GLIS3: variants seen among roughly 807,000 people sequenced by gnomAD.
The protein encoded by GLIS3 is zinc finger protein GLIS3.
Under a neutral mutation model 78.6 loss-of-function variants are expected in GLIS3, and 53 were observed. That is an observed-to-expected ratio of 0.67 (90% CI 0.54 to 0.85). The LOEUF is 0.85. Ranked by LOEUF, GLIS3 falls within the 40% of genes least tolerant of loss-of-function variation. The probability of loss-of-function intolerance (pLI) is 0.00; values close to 1 mark genes in which losing one functional copy is unlikely to be tolerated. For synonymous variants in GLIS3, 684 were observed against 509.9 expected, an observed-to-expected ratio of 1.34 and a Z score of -4.60; for missense variants, 1,703 against 1,231.1, an observed-to-expected ratio of 1.38 and a Z score of -5.74.
intron 2 of GLIS3, among the ~76,000 whole-genome samples, chr9:4,335,821 C>G (rs1457339102): frequency 6.6e-6 from 1 of 152,156 alleles, no homozygotes; most frequent in Non-Finnish European, 1.5e-5. Flanking sequence ...CCCCATTGAA[C>G]CAGATTTAAC....
intron 8 of GLIS3, among the ~76,000 whole-genome samples, chr9:3,873,909 T>A (rs978355197): frequency 1.3e-5 from 2 of 152,246 alleles, no homozygotes; most frequent in African/African-American, 4.8e-5. Context: ...TCCTCATATT[T>A]TCTGCTGCTG....
Position 4,087,915 on chromosome 9 carries a change from G to T in GLIS3, c.1710+29853C>A, listed in dbSNP as rs548532591. ...ATACCTTGGTTACCTCACTTCTATT[G>T]TCCATCTCGCATTATGGTTAGTTAT... On this transcript the variant is annotated intron_variant, in intron 4 of 10. Coordinates refer to ENST00000381971, the MANE Select transcript of GLIS3 (RefSeq NM_001042413.2). Among the ~76,000 whole-genome samples the T allele has an allele frequency of 9.9e-5, 15 of 152,200 alleles. 1 individual carries two copies. The East Asian group carries it at 2.1e-3, about 22-fold the overall frequency.
chr9:4,360,427 T>C, the GLIS3 span, among the ~76,000 whole-genome samples: 3 of 152,220 alleles, frequency 2.0e-5, no homozygotes, highest in Admixed American at 6.5e-5. Flanking sequence ...ATGTGACTGA[T>C]GGCCAGTAAT....
At chr9:4,191,984 T>A (rs1007229373) in intron 2 of GLIS3, among the ~76,000 whole-genome samples, 11 of 151,768 alleles carry the variant, frequency 7.2e-5, no homozygotes, top group Non-Finnish European at 1.5e-5. Context: ...TTGGAGGAGG[T>A]CTCTAAAATG....
At chr9:3,842,761 G>A (rs1425511990) in intron 9 of GLIS3, among the ~76,000 whole-genome samples, 1 of 152,166 alleles carries the variant, frequency 6.6e-6, no homozygotes, top group Non-Finnish European at 1.5e-5. Context: ...AGTTTGAGAG[G>A]CTCTAAGAGA....
intron 2 of GLIS3, among the ~76,000 whole-genome samples, chr9:4,208,912 G>C (rs1820120068): frequency 6.6e-6 from 1 of 152,132 alleles, no homozygotes; most frequent in Non-Finnish European, 1.5e-5. Flanking sequence ...CCATAATAAA[G>C]GCTGTCTGGA....
chr9:3,953,672 T>A lies in GLIS3; in HGVS notation c.1711-16483A>T, dbSNP rs896071638. ...ACTTTTCAATGGATTAAAAGTAAGCTGTTGAAAACATATTTTTGATAACAA... is the reference window on the plus strand; with the variant it reads ...ACTTTTCAATGGATTAAAAGTAAGCAGTTGAAAACATATTTTTGATAACAA... On this transcript the variant is annotated intron_variant, in intron 4 of 10. Coordinates refer to ENST00000381971, the MANE Select transcript of GLIS3 (RefSeq NM_001042413.2). Among the ~76,000 whole-genome samples, 3 of 152,152 alleles carry A rather than the reference T, an allele frequency of 2.0e-5. No individual in the cohort carries two copies. The South Asian group carries it at 6.2e-4, about 32-fold the overall frequency.
intron 4 of GLIS3, among the ~76,000 whole-genome samples, chr9:4,006,843 G>A (rs921313015): frequency 2.0e-5 from 3 of 152,172 alleles, no homozygotes; most frequent in Admixed American, 6.5e-5. Flanking sequence ...ATGAAGGAAC[G>A]GTTCTATCAA....
the GLIS3 span, among the ~76,000 whole-genome samples, chr9:4,363,100 A>C: frequency 6.6e-6 from 1 of 152,180 alleles, no homozygotes; most frequent in African/African-American, 2.4e-5. Context: ...GGAAACCACC[A>C]AAAATAGAAG....
chr9:3,837,768 G>C (rs574226903), intron 9 of GLIS3, among the ~76,000 whole-genome samples: 9 of 152,306 alleles, frequency 5.9e-5, no homozygotes, highest in South Asian at 2.1e-4. Flanking sequence ...CCACAGGTTG[G>C]GGGGAGGGAA....
chr9:3,837,510 A>G (rs111286341), intron 9 of GLIS3, among the ~76,000 whole-genome samples: 24 of 152,348 alleles, frequency 1.6e-4, no homozygotes, highest in African/African-American at 5.3e-4. Context: ...CAAAATTTGG[A>G]AGCAACCGAG....
At chr9:4,252,908 C>G (rs911172807) in intron 2 of GLIS3, among the ~76,000 whole-genome samples, 1 of 152,188 alleles carries the variant, frequency 6.6e-6, no homozygotes, top group Admixed American at 6.5e-5. Context: ...GAGCTCCACT[C>G]CAGACCCTGT....
the GLIS3 span, among the ~76,000 whole-genome samples, chr9:4,388,640 C>A: frequency 6.6e-6 from 1 of 152,038 alleles, no homozygotes; most frequent in Non-Finnish European, 1.5e-5. Context: ...GGCGCCACTG[C>A]ACTCCAGCTT....
At chr9:3,965,631 CAT>C (rs1817884797) in intron 4 of GLIS3, among the ~76,000 whole-genome samples, 1 of 152,198 alleles carries the variant, frequency 6.6e-6, no homozygotes, top group Non-Finnish European at 1.5e-5. Context: ...CCTGACGAAA[CAT>C]GTGCATGGGG....
Position 4,298,591 on chromosome 9 carries a change from G to A in GLIS3, c.-99+830C>T, listed in dbSNP as rs1296315561. 13 of 295,800 alleles carry A rather than the reference G, an allele frequency of 4.4e-5. No individual in the cohort carries two copies. The Admixed American group carries it at 5.7e-4, about 13-fold the overall frequency. 18.3% of individuals were successfully genotyped at this position (295,800 alleles called of 1,614,324 possible). On this transcript the variant is annotated intron_variant, in intron 1 of 10. Transcript: ENST00000381971. Reference sequence around the variant, plus strand: ...GGGCCGACTTCAAAATACACACAGGGTCATTTATAGGGACTGGAGCCGCGC... The same window carrying A: ...GGGCCGACTTCAAAATACACACAGGATCATTTATAGGGACTGGAGCCGCGC...
chr9:4,171,095 C>T (rs1816334173), intron 2 of GLIS3, among the ~76,000 whole-genome samples: 1 of 152,088 alleles, frequency 6.6e-6, no homozygotes, highest in Admixed American at 6.6e-5. Context: ...ATGAGTATCA[C>T]CTGTAAGTCA....
intron 8 of GLIS3, 98 bp from the exon 9 acceptor site, chr9:3,856,282 TAC>T (rs770046574): frequency 4.7e-6 from 5 of 1,073,700 alleles, no homozygotes; most frequent in Non-Finnish European, 7.0e-6. Context: ...ATTCTGGCTA[TAC>T]AAGAGCGTGA....
At chr9:4,230,293 A>C (rs1337413674) in intron 2 of GLIS3, among the ~76,000 whole-genome samples, 1 of 152,244 alleles carries the variant, frequency 6.6e-6, no homozygotes, top group Non-Finnish European at 1.5e-5. Context: ...AAGGTCAATG[A>C]AATACCGAAC....
intron 4 of GLIS3, among the ~76,000 whole-genome samples, chr9:3,949,209 A>C (rs1389058029): frequency 3.9e-5 from 6 of 152,232 alleles, no homozygotes; most frequent in African/African-American, 1.2e-4. Flanking sequence ...ACATATTAAT[A>C]ATTTAAATTC....
Sources: allele counts gnomAD v4.1 joint callset (sites outside exome capture counted in the v4.1 genomes callset), GRCh38; gene constraint gnomAD v4.1.1; transcripts MANE v1.5; gene names NCBI Gene and HGNC (gene_info 2026-07-23, HGNC 2026-07-21).